OXR1: variants seen among roughly 807,000 people sequenced by gnomAD.
OXR1 encodes oxidation resistance protein 1.
In OXR1, 41 loss-of-function variants were observed where a neutral mutation model predicts 104.6. The observed-to-expected ratio is 0.39, with a 90% CI of 0.31 to 0.51. OXR1 has a LOEUF of 0.51. Ranked by LOEUF, OXR1 falls within the 20% of genes least tolerant of loss-of-function variation. The probability of loss-of-function intolerance (pLI) is 0.77; values close to 1 mark genes in which losing one functional copy is unlikely to be tolerated. For missense variants in OXR1, 955 were observed against 1,031.9 expected, an observed-to-expected ratio of 0.93 and a Z score of 1.02; for synonymous variants, 348 against 348.4, an observed-to-expected ratio of 1.00 and a Z score of 0.01.
At chr8:106,312,260 A>G (rs1030100839) in intron 1 of OXR1, among the ~76,000 whole-genome samples, 1 of 152,226 alleles carries the variant, frequency 6.6e-6, no homozygotes, top group Non-Finnish European at 1.5e-5. Flanking sequence ...ACATTAAGAT[A>G]AACAGCCAAG....
At chr8:106,296,599 C>T (rs1466249728) in intron 1 of OXR1, among the ~76,000 whole-genome samples, 1 of 152,184 alleles carries the variant, frequency 6.6e-6, no homozygotes, top group Non-Finnish European at 1.5e-5. Context: ...CTGGTTTTCT[C>T]ATAAGCTTCC....
chr8:106,337,877 G>T (rs1402389665), intron 1 of OXR1, among the ~76,000 whole-genome samples: 1 of 152,170 alleles, frequency 6.6e-6, no homozygotes, highest in Non-Finnish European at 1.5e-5. Context: ...AGTTAAAATT[G>T]TACATAATAA....
intron 4 of OXR1, among the ~76,000 whole-genome samples, chr8:106,681,940 A>G (rs952387633): frequency 7.2e-5 from 11 of 152,166 alleles, no homozygotes; most frequent in African/African-American, 2.7e-4. Flanking sequence ...AGTATCCCAC[A>G]AATATGTTAT....
chr8:106,569,196 G>T (rs1288496594), intron 3 of OXR1, among the ~76,000 whole-genome samples: 3 of 151,818 alleles, frequency 2.0e-5, no homozygotes, highest in Admixed American at 6.6e-5. Flanking sequence ...TCTGTGTTTT[G>T]TTCCCCCATA....
At chr8:106,594,643 A>G (rs149386500) in intron 3 of OXR1, among the ~76,000 whole-genome samples, 3 of 152,138 alleles carry the variant, frequency 2.0e-5, no homozygotes, top group African/African-American at 4.8e-5. Context: ...AAGTTTTGGC[A>G]CCTAAAAAAA....
At position 106,368,228 on chromosome 8, in the gene OXR1, A is replaced by G. The variant is rs543656396; in HGVS notation, c.23+8592A>G. ...AAATAATTCATATTGTATCCTTAATATAAACATATGACAGAAAAATAAGAT... is the reference window on the plus strand; with the variant it reads ...AAATAATTCATATTGTATCCTTAATGTAAACATATGACAGAAAAATAAGAT... On this transcript the variant is annotated intron_variant, in intron 2 of 16. Coordinates refer to ENST00000517566, the MANE Select transcript of OXR1 (RefSeq NM_001198533.2). Among the ~76,000 whole-genome samples the G allele has an allele frequency of 6.9e-4, 105 of 152,328 alleles. No individual in the cohort carries two copies. The Middle Eastern group carries it at 0.017, about 25-fold the overall frequency.
intron 3 of OXR1, among the ~76,000 whole-genome samples, chr8:106,534,837 A>G (rs151163847): frequency 3.5e-4 from 54 of 152,382 alleles, no homozygotes; most frequent in African/African-American, 1.2e-3. Context: ...GAAAATGGAA[A>G]GAGGTTAATA....
At chr8:106,543,882 C>T (rs1433259110) in intron 3 of OXR1, among the ~76,000 whole-genome samples, 2 of 152,212 alleles carry the variant, frequency 1.3e-5, no homozygotes, top group African/African-American at 2.4e-5. Context: ...ATGACTTCTC[C>T]ATATCATCTC....
At chr8:106,626,245 T>C (rs1416407856) in intron 3 of OXR1, among the ~76,000 whole-genome samples, 1 of 151,814 alleles carries the variant, frequency 6.6e-6, no homozygotes, top group Non-Finnish European at 1.5e-5. Flanking sequence ...TATATAGAAG[T>C]ATATTATTTA....
At chr8:106,369,816 G>A (rs1816631724) in intron 2 of OXR1, among the ~76,000 whole-genome samples, 1 of 152,214 alleles carries the variant, frequency 6.6e-6, no homozygotes, top group African/African-American at 2.4e-5. Flanking sequence ...AATATAGTTT[G>A]AAGTCAGGTA....
At chr8:106,288,012 C>A (rs1394561048) in intron 1 of OXR1, among the ~76,000 whole-genome samples, 1 of 152,186 alleles carries the variant, frequency 6.6e-6, no homozygotes, top group Non-Finnish European at 1.5e-5. Context: ...GATCTGTCTG[C>A]AAGTTCTTCT....
intron 2 of OXR1, among the ~76,000 whole-genome samples, chr8:106,441,718 G>GC (rs1458340640): frequency 6.6e-6 from 1 of 152,120 alleles, no homozygotes; most frequent in East Asian, 1.9e-4. Context: ...CTCTCTGCCT[G>GC]CCAATTGTTG....
At chr8:106,437,544 G>A (rs1357311649) in intron 2 of OXR1, among the ~76,000 whole-genome samples, 2 of 152,058 alleles carry the variant, frequency 1.3e-5, no homozygotes, top group East Asian at 3.9e-4. Context: ...CCCCTTGGGA[G>A]AAATTAGGAA....
intron 2 of OXR1, among the ~76,000 whole-genome samples, chr8:106,430,452 A>G (rs1050057413): frequency 1.3e-5 from 2 of 152,206 alleles, no homozygotes; most frequent in Non-Finnish European, 2.9e-5. Flanking sequence ...AGAAAAGTTC[A>G]TTGATTTTAT....
chr8:106,325,040 T>A (rs1563718508), intron 1 of OXR1, among the ~76,000 whole-genome samples: 1 of 151,880 alleles, frequency 6.6e-6, no homozygotes, highest in African/African-American at 2.4e-5. Flanking sequence ...TTTTGTAGGT[T>A]AAAAAAAAGA....
chr8:106,740,208 A>G (rs2131573010), intron 13 of OXR1, 135 bp from the exon 14 acceptor site: 1 of 587,758 alleles, frequency 1.7e-6, no homozygotes, highest in Non-Finnish European at 3.0e-6. Flanking sequence ...AGTATCTTTG[A>G]GAATAATAAT....
At chr8:106,310,958 T>A (rs1813675482) in intron 1 of OXR1, among the ~76,000 whole-genome samples, 1 of 152,182 alleles carries the variant, frequency 6.6e-6, no homozygotes, top group South Asian at 2.1e-4. Flanking sequence ...TCTTGGTGAT[T>A]CATGTACTTC....
chr8:106,741,812 A>G (rs1035292426), intron 14 of OXR1, among the ~76,000 whole-genome samples: 45 of 152,166 alleles, frequency 3.0e-4, no homozygotes, highest in Admixed American at 1.2e-3. Context: ...AAGAAAAAAT[A>G]TCATATTTTA....
At position 106,331,024 on chromosome 8, in the gene OXR1, C is replaced by A. The variant is rs1264034017; in HGVS notation, c.-138-28452C>A. ...ATAAAGTTTTATTATAAATATCTTT[C>A]ATATTAGAATTACTTTATTTGCAAT... On this transcript the variant is annotated intron_variant, in intron 1 of 16. Transcript: ENST00000517566. Among the ~76,000 whole-genome samples the A allele has an allele frequency of 2.0e-5, 3 of 152,168 alleles. No homozygotes were observed. In the East Asian group the frequency reaches 5.8e-4, roughly 29 times the overall value.
Sources: gnomAD v4.1 joint callset for allele counts (sites outside exome capture counted in the v4.1 genomes callset) on GRCh38, gnomAD v4.1.1 for gene constraint, MANE v1.5 for transcripts, NCBI Gene and HGNC (gene_info 2026-07-23, HGNC 2026-07-21) for gene names.